The following CCDC178 variants were observed in gnomAD, a reference collection of about 807,000 sequenced individuals.
CCDC178 encodes coiled-coil domain-containing protein 178.
Under a neutral mutation model 117.4 loss-of-function variants are expected in CCDC178, and 126 were observed. The ratio of observed to expected loss-of-function variants is 1.07; its 90% confidence interval spans 0.93 to 1.24. CCDC178 has a LOEUF of 1.24. Among genes scored for constraint, CCDC178 ranks in the 50% most tolerant of loss-of-function variants. The probability of loss-of-function intolerance (pLI) is 0.00; values close to 1 mark genes in which losing one functional copy is unlikely to be tolerated. For synonymous variants in CCDC178, 283 were observed against 313.4 expected (o/e 0.90, Z 1.02); for missense variants, 1,030 against 986.9 (o/e 1.04, Z -0.59).
intron 21 of CCDC178, among the ~76,000 whole-genome samples, chr18:33,036,069 A>G (rs537250396): frequency 6.6e-6 from 1 of 152,056 alleles, no homozygotes; most frequent in Admixed American, 6.6e-5. Flanking sequence ...AATTCACTGA[A>G]CTTTACTACA....
intron 20 of CCDC178, among the ~76,000 whole-genome samples, chr18:33,105,453 G>A (rs977303192): frequency 3.3e-5 from 5 of 151,440 alleles, no homozygotes; most frequent in African/African-American, 1.2e-4. Context: ...CAATACTTTC[G>A]TGGGCACAGA....
At chr18:33,350,715 A>G (rs1395641425) in intron 7 of CCDC178, among the ~76,000 whole-genome samples, 1 of 152,158 alleles carries the variant, frequency 6.6e-6, no homozygotes, top group East Asian at 1.9e-4. Context: ...GGCTATTGTG[A>G]ATATAGATGT....
At chr18:32,949,262 T>G (rs2054423307) in intron 22 of CCDC178, among the ~76,000 whole-genome samples, 1 of 152,052 alleles carries the variant, frequency 6.6e-6, no homozygotes. Flanking sequence ...TTTCTTGAGA[T>G]TTCTCTATTT....
chr18:33,178,862 G>T (rs1158744791), intron 20 of CCDC178, among the ~76,000 whole-genome samples: 1 of 150,918 alleles, frequency 6.6e-6, no homozygotes, highest in African/African-American at 2.4e-5. Context: ...TTCTTGAACT[G>T]TTCAATGCAC....
chr18:33,359,513 T>C (rs992507626), intron 6 of CCDC178, among the ~76,000 whole-genome samples: 2 of 151,668 alleles, frequency 1.3e-5, no homozygotes, highest in Non-Finnish European at 3.0e-5. Context: ...CAGAGAAACA[T>C]TTGAAGTCTT....
At chr18:32,970,467 T>C (rs1174748882) in intron 22 of CCDC178, among the ~76,000 whole-genome samples, 1 of 151,904 alleles carries the variant, frequency 6.6e-6, no homozygotes, top group East Asian at 1.9e-4. Context: ...ACCTTGAGAA[T>C]AGGAAACATT....
At chr18:33,184,835 C>T (rs2058772006) in intron 20 of CCDC178, among the ~76,000 whole-genome samples, 2 of 151,972 alleles carry the variant, frequency 1.3e-5, no homozygotes, top group Non-Finnish European at 2.9e-5. Flanking sequence ...TTTTAAAAAA[C>T]TGACATCTTT....
intron 6 of CCDC178, among the ~76,000 whole-genome samples, chr18:33,367,747 T>C (rs1328394261): frequency 2.0e-5 from 3 of 151,988 alleles, no homozygotes; most frequent in South Asian, 4.1e-4. Flanking sequence ...ATGTTCTATT[T>C]ACCAGTTCAA....
At chr18:32,942,299 C>A (rs1323259502) in intron 22 of CCDC178, among the ~76,000 whole-genome samples, 1 of 151,912 alleles carries the variant, frequency 6.6e-6, no homozygotes, top group Non-Finnish European at 1.5e-5. Flanking sequence ...AGTGTAGAAC[C>A]AGCTAAGATG....
At chr18:33,249,459 G>A (rs2059591082) in intron 14 of CCDC178, among the ~76,000 whole-genome samples, 1 of 152,034 alleles carries the variant, frequency 6.6e-6, no homozygotes, top group Admixed American at 6.6e-5. Flanking sequence ...GTGTAAGGAA[G>A]GGATCCAGTT....
At chr18:33,345,681 T>G (rs1171001729) in intron 9 of CCDC178, among the ~76,000 whole-genome samples, 3 of 152,148 alleles carry the variant, frequency 2.0e-5, no homozygotes, top group Non-Finnish European at 2.9e-5. Flanking sequence ...GTTTGCATGC[T>G]CTGTGGGTAC....
At chr18:33,256,992 T>C (rs1433375555) in intron 14 of CCDC178, among the ~76,000 whole-genome samples, 2 of 152,098 alleles carry the variant, frequency 1.3e-5, no homozygotes, top group African/African-American at 4.8e-5. Context: ...TTATTTGAAA[T>C]TTTTGCTGAT....
chr18:33,420,005 G>A (rs942973301), intron 2 of CCDC178, among the ~76,000 whole-genome samples: 4 of 151,260 alleles, frequency 2.6e-5, no homozygotes, highest in Admixed American at 1.3e-4. Flanking sequence ...TATGTTCATT[G>A]CAACACTATG....
chr18:33,156,213 C>T (rs1018814304), intron 20 of CCDC178, among the ~76,000 whole-genome samples: 18 of 150,966 alleles, frequency 1.2e-4, no homozygotes, highest in Admixed American at 7.9e-4. Context: ...CTCAGCCACC[C>T]GAGTAGCTGG....
Position 33,356,349 on chromosome 18 carries a change from G to T in CCDC178, c.349-3C>A. 1 of 1,479,686 alleles carries T rather than the reference G, an allele frequency of 6.8e-7. No homozygotes were observed. 91.7% of individuals were successfully genotyped at this position (1,479,686 alleles called of 1,614,324 possible). A position where few individuals can be genotyped will look rare whatever the true frequency, so the allele number is the denominator to read the frequency against. On this transcript the variant is annotated splice_polypyrimidine_tract_variant and splice_region_variant and intron_variant, in intron 6 of 22. Coordinates refer to ENST00000383096, the MANE Select transcript of CCDC178 (RefSeq NM_001105528.4). ...CATTCTTCAAAAGAAGTTTCAAACT[G>T]TCAAAACAAAAGATCTCAATAAAAA...
At chr18:33,393,321 T>C (rs1160235056) in intron 4 of CCDC178, among the ~76,000 whole-genome samples, 1 of 152,220 alleles carries the variant, frequency 6.6e-6, no homozygotes, top group Non-Finnish European at 1.5e-5. Context: ...GGTGTATTTA[T>C]AATACATAAA....
chr18:33,337,670 A>G (rs12458913), intron 9 of CCDC178, among the ~76,000 whole-genome samples: 1,812 of 152,276 alleles, frequency 0.012, 111 homozygotes, highest in Admixed American at 0.1. Context: ...AGGACACCCT[A>G]TTCAACAAAT....
intron 21 of CCDC178, among the ~76,000 whole-genome samples, chr18:32,994,616 G>A (rs1216811969): frequency 1.3e-5 from 2 of 152,142 alleles, no homozygotes; most frequent in East Asian, 3.9e-4. Flanking sequence ...AAATTGAACA[G>A]AAAAGCCTCC....
intron 2 of CCDC178, among the ~76,000 whole-genome samples, chr18:33,420,770 C>A (rs2144931986): frequency 6.6e-6 from 1 of 152,054 alleles, no homozygotes; most frequent in African/African-American, 2.4e-5. Context: ...GCACATGTAC[C>A]ACTGAAATTA....
Sources: gnomAD v4.1 joint callset for allele counts (sites outside exome capture counted in the v4.1 genomes callset) on GRCh38, gnomAD v4.1.1 for gene constraint, MANE v1.5 for transcripts, NCBI Gene and HGNC (gene_info 2026-07-23, HGNC 2026-07-21) for gene names.